HFM1: variants seen among roughly 807,000 people sequenced by gnomAD.
HFM1 encodes probable ATP-dependent DNA helicase HFM1.
Under a neutral mutation model 192.1 loss-of-function variants are expected in HFM1, and 169 were observed. The observed-to-expected ratio is 0.88, with a 90% confidence interval of 0.78 to 1.00. The LOEUF is 1.00. Among genes scored for constraint, HFM1 ranks in the 50% least tolerant of loss-of-function variants. The pLI is 0.00. For synonymous variants in HFM1, 525 were observed against 537.8 expected (o/e 0.98, Z 0.33); for missense variants, 1,661 against 1,668.0 (o/e 1.00, Z 0.07).
chr1:91,317,005 C>T (rs911413827), intron 25 of HFM1, among the ~76,000 whole-genome samples: 2 of 152,078 alleles, frequency 1.3e-5, no homozygotes, highest in Non-Finnish European at 2.9e-5. Context: ...CTTACTGGAG[C>T]CAAATTTCCT....
chr1:91,351,561 G>A lies in HFM1; in HGVS notation c.2060C>T (p.Thr687Ile). The A allele has an allele frequency of 6.4e-7, 1 of 1,566,036 alleles. No homozygotes were observed. Among genetic ancestry groups the A allele is most frequent in the Non-Finnish European group, 8.7e-7 (1 of 1,145,480 alleles). The change falls in exon 17 of 39, where the codon ACT (threonine) becomes ATT (isoleucine). Residue 687 changes from threonine (T) to isoleucine (I), a missense_variant. Transcript: ENST00000370425. ...KYIQMLACRDTVESSLHRHLI... is the reference protein window; with the variant it reads ...KYIQMLACRDIVESSLHRHLI... Reference sequence around the variant, plus strand: ...TTTTTTATACTACCTGCTTTCTACAGTGTCTCTACAAGCTAACATCTGAAT... The same window carrying A: ...TTTTTTATACTACCTGCTTTCTACAATGTCTCTACAAGCTAACATCTGAAT...
chr1:91,308,495 T>G (rs541172016), intron 30 of HFM1, among the ~76,000 whole-genome samples: 1 of 152,328 alleles, frequency 6.6e-6, no homozygotes, highest in South Asian at 2.1e-4. Context: ...TACCTATTTT[T>G]TCTATATTTT....
intron 8 of HFM1, 106 bp downstream of exon 8, chr1:91,379,998 G>C (rs1432657271): frequency 2.0e-6 from 1 of 493,730 alleles, no homozygotes; most frequent in African/African-American, 2.0e-5. Flanking sequence ...GAAATATATA[G>C]AAAATCAAGT....
At chr1:91,285,230 T>G (rs944735201) in intron 30 of HFM1, among the ~76,000 whole-genome samples, 5 of 152,192 alleles carry the variant, frequency 3.3e-5, no homozygotes, top group African/African-American at 1.2e-4. Context: ...GAAAACGGAC[T>G]AATATAAGTT....
intron 13 of HFM1, among the ~76,000 whole-genome samples, chr1:91,361,854 A>G (rs1658563544): frequency 6.6e-6 from 1 of 152,218 alleles, no homozygotes; most frequent in South Asian, 2.1e-4. Context: ...CTTACCCACC[A>G]TGATCAAGTT....
At chr1:91,279,620 C>T (rs1420542518) in intron 30 of HFM1, among the ~76,000 whole-genome samples, 1 of 152,194 alleles carries the variant, frequency 6.6e-6, no homozygotes, top group Non-Finnish European at 1.5e-5. Context: ...TCCATCAAAA[C>T]ACATTCAATT....
upstream of HFM1, among the ~76,000 whole-genome samples, chr1:91,406,225 G>A (rs1007764088): frequency 1.3e-5 from 2 of 152,190 alleles, no homozygotes; most frequent in Admixed American, 1.3e-4. Context: ...GGACTTCTCA[G>A]GCACCAAAAT....
intron 13 of HFM1, 90 bp from the exon 14 acceptor site, chr1:91,353,389 C>G: frequency 1.4e-6 from 1 of 709,452 alleles, no homozygotes; most frequent in Non-Finnish European, 2.3e-6. Context: ...TTAGAGATAT[C>G]AAAAAATTTT....
upstream of HFM1, among the ~76,000 whole-genome samples, chr1:91,407,882 A>G (rs563261080): frequency 1.3e-5 from 2 of 152,318 alleles, no homozygotes; most frequent in South Asian, 4.1e-4. Context: ...TGTAACATCC[A>G]CATCTTTTAC....
At chr1:91,371,292 T>C (rs1660155707) in intron 13 of HFM1, among the ~76,000 whole-genome samples, 5 of 147,768 alleles carry the variant, frequency 3.4e-5, no homozygotes, top group African/African-American at 1.3e-4. Context: ...AAGTCAATTC[T>C]ATGCCAAAAG....
intron 35 of HFM1, among the ~76,000 whole-genome samples, chr1:91,266,498 T>C (rs917515629): frequency 6.6e-6 from 1 of 152,208 alleles, no homozygotes; most frequent in Non-Finnish European, 1.5e-5. Context: ...TCTTCTGGGC[T>C]GATCATGGTG....
chr1:91,261,600 A>G (rs1665161938), intron 38 of HFM1: 2 of 263,912 alleles, frequency 7.6e-6, no homozygotes. Context: ...TTGAAAAGTT[A>G]TGTCATTTAA....
chr1:91,389,440 T>A (rs1662655715), intron 4 of HFM1, among the ~76,000 whole-genome samples: 5 of 151,804 alleles, frequency 3.3e-5, no homozygotes, highest in Admixed American at 3.3e-4. Context: ...TATTTGGAGG[T>A]GGGGCCTTTG....
chr1:91,304,436 T>C (rs1183435584), intron 30 of HFM1, among the ~76,000 whole-genome samples: 1 of 137,512 alleles, frequency 7.3e-6, no homozygotes, highest in Non-Finnish European at 1.7e-5. Flanking sequence ...TATACACCTA[T>C]GTTTTCTTTT....
intron 13 of HFM1, among the ~76,000 whole-genome samples, chr1:91,372,664 C>G (rs909966323): frequency 1.3e-5 from 2 of 151,932 alleles, no homozygotes; most frequent in African/African-American, 4.8e-5. Flanking sequence ...TGCAGCACAC[C>G]AACACCACAT....
chr1:91,306,338 C>G (rs950771760), intron 30 of HFM1, among the ~76,000 whole-genome samples: 1 of 152,090 alleles, frequency 6.6e-6, no homozygotes, highest in African/African-American at 2.4e-5. Flanking sequence ...GTCTCAAAAA[C>G]AAAAACAAAA....
intron 30 of HFM1, among the ~76,000 whole-genome samples, chr1:91,290,079 C>A (rs1185330643): frequency 6.6e-6 from 1 of 152,034 alleles, no homozygotes; most frequent in Non-Finnish European, 1.5e-5. Context: ...CAATCGGTAC[C>A]AGCCGCTGCA....
intron 30 of HFM1, among the ~76,000 whole-genome samples, chr1:91,291,579 G>T (rs1206971500): frequency 3.3e-5 from 5 of 152,040 alleles, no homozygotes; most frequent in Non-Finnish European, 5.9e-5. Context: ...CAACGAAAAA[G>T]AGTCCAGGAC....
intron 4 of HFM1, among the ~76,000 whole-genome samples, chr1:91,391,218 C>A (rs566919680): frequency 1.4e-4 from 21 of 152,332 alleles, no homozygotes; most frequent in Non-Finnish European, 2.4e-4. Context: ...ATCAAGCTAC[C>A]AATGACTTTC....
Sources: gnomAD v4.1 joint callset for allele counts (sites outside exome capture counted in the v4.1 genomes callset) on GRCh38, gnomAD v4.1.1 for gene constraint, MANE v1.5 for transcripts, NCBI Gene and HGNC (gene_info 2026-07-23, HGNC 2026-07-21) for gene names.